Variants in CACNA1G observed in about 807,000 individuals in gnomAD.
CACNA1G encodes the protein calcium voltage-gated channel subunit alpha1 G.
A neutral mutation model predicts 219.4 loss-of-function variants in CACNA1G; 67 were observed. The ratio of observed to expected loss-of-function variants is 0.31; its 90% confidence interval spans 0.25 to 0.37. The LOEUF (loss-of-function observed/expected upper bound fraction) is 0.37, where lower values mean the gene tolerates loss of function less well. Among genes scored for constraint, CACNA1G ranks in the 10% least tolerant of loss-of-function variants. The probability of loss-of-function intolerance (pLI) is 1.00; values close to 1 mark genes in which losing one functional copy is unlikely to be tolerated. For synonymous variants in CACNA1G, 1,296 were observed against 1,345.3 expected (o/e 0.96, Z 0.80); for missense variants, 2,380 against 3,231.4 (o/e 0.74, Z 6.39).
chr17:50,564,965 ACTC>A (rs2037253292), intron 1 of CACNA1G, among the ~76,000 whole-genome samples: 1 of 150,552 alleles, frequency 6.6e-6, no homozygotes, highest in Admixed American at 6.6e-5. Flanking sequence ...CTGCTGGGGG[ACTC>A]CCCATCACCC....
At chr17:50,594,497 C>A (rs188501149) in intron 13 of CACNA1G, among the ~76,000 whole-genome samples, 3 of 152,186 alleles carry the variant, frequency 2.0e-5, no homozygotes, top group African/African-American at 7.2e-5. Context: ...GCCTCCGAAC[C>A]GGTGAGAGGA....
chr17:50,602,994 T>C, intron 20 of CACNA1G, 21 bp from the exon 21 acceptor site: 1 of 1,610,104 alleles, frequency 6.2e-7, no homozygotes, highest in East Asian at 2.2e-5. Flanking sequence ...GGGCGGCCGA[T>C]GACGTGGCGG....
intron 3 of CACNA1G, 36 bp downstream of exon 3, chr17:50,569,334 C>T: frequency 6.2e-7 from 1 of 1,607,148 alleles, no homozygotes; most frequent in South Asian, 1.1e-5. Flanking sequence ...AGCAATGGAT[C>T]AGATCGGTCC....
chr17:50,588,735 A>T (rs2043536454), intron 9 of CACNA1G, among the ~76,000 whole-genome samples: 1 of 152,090 alleles, frequency 6.6e-6, no homozygotes, highest in Non-Finnish European at 1.5e-5. Context: ...CCCTCTGCAT[A>T]GCTGGCTGTC....
At position 50,603,072 on chromosome 17, in the gene CACNA1G, G is replaced by A. The variant is rs777816053; in HGVS notation, c.4042G>A (p.Val1348Met). The part of the protein sequence containing the change: ...EQAYLRSSWN[V>M]LDGLLVLISV... The stretch of plus-strand genomic sequence containing the variant: ...GGCGTACCTGCGGAGCAGTTGGAAC[G>A]TGCTGGACGGGCTGTTGGTGCTCAT... The change falls in exon 21 of 38, where the codon GTG (valine) becomes ATG (methionine). Residue 1348 changes from valine (V) to methionine (M), a missense_variant. Transcript: ENST00000359106. The surrounding 1 kb of genome is among the most constrained non-coding windows in gnomAD (Gnocchi z 6.4). 1.4e-5 allele frequency: 23 copies of A among 1,613,566 alleles called. 1 individual carries two copies. The highest frequency in any genetic ancestry group is 3.3e-4 in the Middle Eastern group (2 of 6,068).
In CACNA1G at chr17:50,573,016, C is replaced by A. The variant is rs57768644; in HGVS notation, c.1048-5C>A. ...ATAGTCAGCCTGCCCCTCTGCACCC[C>A]CTAGGTCATCACGCTGGAGGGCTGG... On this transcript the variant is annotated splice_region_variant and splice_polypyrimidine_tract_variant and intron_variant, in intron 6 of 37. Coordinates refer to ENST00000359106, the MANE Select transcript of CACNA1G (RefSeq NM_018896.5). 4 of 1,577,082 alleles carry A rather than the reference C, an allele frequency of 2.5e-6. No individual in the cohort carries two copies. Among genetic ancestry groups the A allele is most frequent in the East Asian group, 2.3e-5 (1 of 43,040 alleles).
rs979457024 is a variant in CACNA1G, at chr17:50,600,113, A to G, written c.3690+254A>G. On this transcript the variant is annotated intron_variant, in intron 17 of 37. Transcript: ENST00000359106. The surrounding 1 kb of genome is among the most constrained non-coding windows in gnomAD (Gnocchi z 4.1). ...TATGAATGATTTTGGACAGATGTGT[A>G]TGAATCTTTCATGGCCCTCCCCCTG... 2.0e-5 allele frequency among the ~76,000 whole-genome samples: 3 copies of G among 152,160 alleles called. No homozygotes were observed. Among genetic ancestry groups the G allele is most frequent in the African/African-American group, 7.2e-5 (3 of 41,434 alleles).
chr17:50,575,023 A>G (rs2040337109), intron 7 of CACNA1G, among the ~76,000 whole-genome samples: 1 of 152,304 alleles, frequency 6.6e-6, no homozygotes, highest in African/African-American at 2.4e-5. Context: ...TCTCTCGCCC[A>G]AAGTCACACA....
chr17:50,625,102 G>A (rs2107440), intron 37 of CACNA1G, among the ~76,000 whole-genome samples: 43,430 of 151,914 alleles, frequency 0.29, 6,934 homozygotes, highest in Non-Finnish European at 0.35. Context: ...ACAGACATGC[G>A]CCACCATGCC....
At chr17:50,586,338 C>T (rs1244307873) in intron 9 of CACNA1G, among the ~76,000 whole-genome samples, 2 of 152,204 alleles carry the variant, frequency 1.3e-5, no homozygotes, top group East Asian at 3.8e-4. Context: ...AGCCTTCTCT[C>T]CCACCAGCCC....
In CACNA1G at chr17:50,590,490, C is replaced by T. The variant is rs770298211; in HGVS notation, c.2321C>T (p.Ala774Val). The T allele has an allele frequency of 4.3e-6, 7 of 1,613,944 alleles. 1 individual carries two copies. The Admixed American group carries it at 6.7e-5, about 15-fold the overall frequency. Residue 774 changes from alanine (A) to valine (V), a missense_variant, in exon 10 of 38, where the codon GCC becomes GTC. Transcript: ENST00000359106. ...CTGCAGCCCGAGGAGCTTACCAACG[C>T]CCTAGAAATCAGCAACATCGTCTTC... Reference protein sequence around the residue: ...YHEQPEELTNALEISNIVFTS... With the variant: ...YHEQPEELTNVLEISNIVFTS...
Position 50,589,926 on chromosome 17 carries a change from G to C in CACNA1G, c.2302-545G>C, listed in dbSNP as rs796171484. On this transcript the variant is annotated intron_variant, in intron 9 of 37. Transcript: ENST00000359106. ...TCTCTCTCTCTCTGTGTGTGTGTGT[G>C]TGTGTGTGTGTGTGTGTGTGTGTCT... 2.4e-4 allele frequency among the ~76,000 whole-genome samples: 37 copies of C among 151,156 alleles called. No homozygotes were observed. The South Asian group carries it at 6.1e-3, about 25-fold the overall frequency.
Position 50,626,834 on chromosome 17 carries a change from G to T in CACNA1G, c.*83G>T, listed in dbSNP as rs1239861210. The T allele has an allele frequency of 1.9e-6, 3 of 1,575,206 alleles. No individual in the cohort carries two copies. The highest frequency in any genetic ancestry group is 2.6e-6 in the Non-Finnish European group (3 of 1,146,184). On this transcript the variant is annotated 3_prime_UTR_variant, in exon 38 of 38. Coordinates refer to ENST00000359106, the MANE Select transcript of CACNA1G (RefSeq NM_018896.5). The surrounding 1 kb of genome is among the most constrained non-coding windows in gnomAD (Gnocchi z 4.3). ...CTCCTGGGCTATATTCCTGACAAAAGTTCCATATAGACACCAAGGAGGCGG... is the reference window on the plus strand; with the variant it reads ...CTCCTGGGCTATATTCCTGACAAAATTTCCATATAGACACCAAGGAGGCGG...
chr17:50,626,362 G>C lies in CACNA1G; in HGVS notation c.6745G>C (p.Val2249Leu), dbSNP rs373232504. The change falls in exon 38 of 38, where the codon GTG (valine) becomes CTG (leucine). Residue 2249 changes from valine (V) to leucine (L), a missense_variant. Around this residue, in one of 17 missense-constraint regions of CACNA1G, gnomAD observed 672 missense variants for 670.5 expected, o/e 1.00. Transcript: ENST00000359106. This position sits in a 1 kb window ranked among gnomAD's most constrained non-coding sequence, Gnocchi z 4.3. ...SPRDLKKCYSVEAQSCQRRPT... is the reference protein window; with the variant it reads ...SPRDLKKCYSLEAQSCQRRPT... ...ACGGGACCTGAAGAAGTGCTACAGC[G>C]TGGAGGCCCAGAGCTGCCAGCGCCG... 1 of 1,612,702 alleles carries C rather than the reference G, an allele frequency of 6.2e-7. No individual in the cohort carries two copies. The highest frequency in any genetic ancestry group is 8.5e-7 in the Non-Finnish European group (1 of 1,179,658).
At chr17:50,565,978 A>G (rs1378816238) in intron 1 of CACNA1G, among the ~76,000 whole-genome samples, 1 of 152,088 alleles carries the variant, frequency 6.6e-6, no homozygotes, top group African/African-American at 2.4e-5. Context: ...CACCATAGCA[A>G]CAGTAGACAT....
Position 50,623,980 on chromosome 17 carries a change from A to C in CACNA1G, c.6134A>C (p.His2045Pro). 6.2e-7 allele frequency: 1 copy of C among 1,612,744 alleles called. No individual in the cohort carries two copies. The highest frequency in any genetic ancestry group is 8.5e-7 in the Non-Finnish European group (1 of 1,179,714). ...CGGAAGTCTGGGGTCAGCCGAACGC[A>C]CTCTCTGCCCAATGACAGCTACATG... ...TVRKSGVSRT[H>P]SLPNDSYMCR... The change falls in exon 36 of 38, where the codon CAC (histidine) becomes CCC (proline). Residue 2045 changes from histidine to proline, a missense_variant. Physicochemically the swap from His to Pro is moderately conservative, Grantham distance 77 (BLOSUM62 -2). Around this residue, in one of 17 missense-constraint regions of CACNA1G, gnomAD observed 672 missense variants for 670.5 expected, o/e 1.00. Transcript: ENST00000359106.
chr17:50,564,282 T>A (rs1158094806), intron 1 of CACNA1G, among the ~76,000 whole-genome samples: 2 of 151,632 alleles, frequency 1.3e-5, no homozygotes, highest in Non-Finnish European at 2.9e-5. Flanking sequence ...TTCCAGTATG[T>A]GTTCCTGCAA....
chr17:50,585,101 G>A (rs1256326490), intron 9 of CACNA1G, among the ~76,000 whole-genome samples: 1 of 152,084 alleles, frequency 6.6e-6, no homozygotes, highest in Non-Finnish European at 1.5e-5. Context: ...TGGGCTAGAC[G>A]CTGTGCAGGT....
intron 1 of CACNA1G, among the ~76,000 whole-genome samples, chr17:50,568,141 CA>C (rs1168927567): frequency 1.3e-5 from 2 of 152,122 alleles, no homozygotes; most frequent in Non-Finnish European, 2.9e-5. Flanking sequence ...GGTGCTGTAG[CA>C]GCGGGGACTG....
Sources: allele counts gnomAD v4.1 joint callset (sites outside exome capture counted in the v4.1 genomes callset), GRCh38; gene constraint gnomAD v4.1.1; regional missense constraint gnomAD v4.1.1; non-coding constraint Gnocchi (gnomAD v3.1); transcripts MANE v1.5; gene names NCBI Gene and HGNC (gene_info 2026-07-23, HGNC 2026-07-21).